The following NKAIN2 variants were observed in gnomAD, a reference collection of about 807,000 sequenced individuals.
The protein encoded by NKAIN2 is sodium/potassium-transporting ATPase subunit beta-1-interacting protein 2.
In NKAIN2, 14 loss-of-function variants were observed where a neutral mutation model predicts 32.6. The ratio of observed to expected loss-of-function variants is 0.43; its 90% CI spans 0.28 to 0.67. The LOEUF (loss-of-function observed/expected upper bound fraction) is 0.67, where lower values mean the gene tolerates loss of function less well. Among genes scored for constraint, NKAIN2 ranks in the 30% least tolerant of loss-of-function variants. NKAIN2 has a pLI of 0.17. For synonymous variants in NKAIN2, 80 were observed against 87.2 expected (o/e 0.92, Z 0.46); for missense variants, 198 against 258.3 (o/e 0.77, Z 1.60).
At chr6:124,757,829 A>G (rs571632646) in intron 4 of NKAIN2, among the ~76,000 whole-genome samples, 3 of 152,330 alleles carry the variant, frequency 2.0e-5, no homozygotes, top group African/African-American at 7.2e-5. Context: ...AGTCTTAAAC[A>G]GAATGGGCTC....
At chr6:123,984,367 G>T (rs540743739) in intron 1 of NKAIN2, among the ~76,000 whole-genome samples, 2 of 152,154 alleles carry the variant, frequency 1.3e-5, no homozygotes, top group South Asian at 4.2e-4. Context: ...TTTGAAAAAT[G>T]TGTGAAATGG....
intron 4 of NKAIN2, among the ~76,000 whole-genome samples, chr6:124,726,395 T>A (rs1776311017): frequency 6.6e-6 from 1 of 152,304 alleles, no homozygotes; most frequent in Admixed American, 6.5e-5. Context: ...AGTGGGTCCC[T>A]GACCCATGAC....
At chr6:124,760,143 C>T (rs1266233448) in intron 4 of NKAIN2, among the ~76,000 whole-genome samples, 3 of 151,872 alleles carry the variant, frequency 2.0e-5, no homozygotes, top group Non-Finnish European at 2.9e-5. Context: ...AGCAAACTAA[C>T]GCAGGAACAG....
At chr6:123,991,877 T>C (rs1170907808) in intron 1 of NKAIN2, among the ~76,000 whole-genome samples, 4 of 151,898 alleles carry the variant, frequency 2.6e-5, no homozygotes, top group African/African-American at 9.7e-5. Context: ...TGTGTGTGTG[T>C]GTATATATAT....
chr6:124,564,282 A>G (rs1277830736), intron 3 of NKAIN2, among the ~76,000 whole-genome samples: 1 of 152,190 alleles, frequency 6.6e-6, no homozygotes, highest in African/African-American at 2.4e-5. Context: ...GTGTCTAGCT[A>G]AAGGATTATA....
Position 124,531,851 on chromosome 6 carries a change from TG to T in NKAIN2, c.274-126334del. ...ATGCCCAGCTAATTTTTGTATTTTTTGTACAGACGGGGTTTCACCATGTTGG... is the reference window on the plus strand; with the variant it reads ...ATGCCCAGCTAATTTTTGTATTTTTTTACAGACGGGGTTTCACCATGTTGG... On this transcript the variant is annotated intron_variant, in intron 3 of 6. Transcript: ENST00000368417. Among the ~76,000 whole-genome samples the T allele has an allele frequency of 1.3e-5, 2 of 152,240 alleles. 1 individual carries two copies. The highest frequency in any genetic ancestry group is 3.9e-4 in the East Asian group (2 of 5,160).
chr6:123,914,036 A>G lies in NKAIN2; in HGVS notation c.54+109782A>G, dbSNP rs1249114230. Among the ~76,000 whole-genome samples, 3 of 152,148 alleles carry G rather than the reference A, an allele frequency of 2.0e-5. No individual in the cohort carries two copies. In the East Asian group the frequency reaches 5.8e-4, roughly 29 times the overall value. On this transcript the variant is annotated intron_variant, in intron 1 of 6. Coordinates refer to ENST00000368417, the MANE Select transcript of NKAIN2 (RefSeq NM_001040214.3). Reference sequence around the variant, plus strand: ...TCTGTATTAGTCAGCTTGGAATGTTATAATAAAATACCACAGACTGGCTGG... The same window carrying G: ...TCTGTATTAGTCAGCTTGGAATGTTGTAATAAAATACCACAGACTGGCTGG...
intron 5 of NKAIN2, among the ~76,000 whole-genome samples, chr6:124,799,474 C>T (rs930606041): frequency 1.1e-4 from 17 of 152,212 alleles, no homozygotes; most frequent in Admixed American, 2.0e-4. Context: ...CACATACACA[C>T]ACACACATAC....
At chr6:124,280,185 C>A (rs981609675) in intron 1 of NKAIN2, among the ~76,000 whole-genome samples, 1 of 151,862 alleles carries the variant, frequency 6.6e-6, no homozygotes, top group African/African-American at 2.4e-5. Flanking sequence ...TAAAGAGGTC[C>A]CCATGGGCAA....
intron 1 of NKAIN2, among the ~76,000 whole-genome samples, chr6:124,274,141 C>A (rs1467381309): frequency 6.6e-6 from 1 of 152,112 alleles, no homozygotes; most frequent in Non-Finnish European, 1.5e-5. Flanking sequence ...AGATAAATGT[C>A]ATTTTTGTGC....
At chr6:123,869,763 C>A (rs1163338577) in intron 1 of NKAIN2, among the ~76,000 whole-genome samples, 1 of 152,134 alleles carries the variant, frequency 6.6e-6, no homozygotes, top group Non-Finnish European at 1.5e-5. Context: ...CTTAGGACAA[C>A]AAGGCATTTA....
chr6:124,099,573 A>C (rs1240989812), intron 1 of NKAIN2, among the ~76,000 whole-genome samples: 1 of 152,232 alleles, frequency 6.6e-6, no homozygotes, highest in Non-Finnish European at 1.5e-5. Flanking sequence ...CTTGCTCAAT[A>C]AATGGCTGTA....
intron 3 of NKAIN2, among the ~76,000 whole-genome samples, chr6:124,518,595 A>G (rs2114790890): frequency 6.6e-6 from 1 of 152,180 alleles, no homozygotes; most frequent in East Asian, 1.9e-4. Flanking sequence ...TCACCATTGC[A>G]AAGATAGTAC....
chr6:124,639,594 A>T (rs1017118185), intron 3 of NKAIN2, among the ~76,000 whole-genome samples: 1 of 152,158 alleles, frequency 6.6e-6, no homozygotes, highest in African/African-American at 2.4e-5. Context: ...AGATCACGGC[A>T]CTGCATTCCA....
At chr6:124,472,930 G>C (rs1287912721) in intron 3 of NKAIN2, among the ~76,000 whole-genome samples, 1 of 151,992 alleles carries the variant, frequency 6.6e-6, no homozygotes, top group Non-Finnish European at 1.5e-5. Context: ...GGAGCTATGT[G>C]GTAAATTGGG....
intron 3 of NKAIN2, among the ~76,000 whole-genome samples, chr6:124,609,347 TTTTAC>T (rs1158151236): frequency 6.6e-6 from 1 of 152,040 alleles, no homozygotes; most frequent in African/African-American, 2.4e-5. Context: ...CTAAAGTCAG[TTTTAC>T]TTTATTTTTT....
chr6:124,607,428 T>C (rs191115278), intron 3 of NKAIN2, among the ~76,000 whole-genome samples: 10 of 152,194 alleles, frequency 6.6e-5, no homozygotes, highest in Non-Finnish European at 1.3e-4. Flanking sequence ...CAGCTAGGTG[T>C]CTGCCTTATT....
At chr6:124,292,673 C>G (rs942174302) in intron 2 of NKAIN2, among the ~76,000 whole-genome samples, 2 of 147,094 alleles carry the variant, frequency 1.4e-5, no homozygotes, top group Non-Finnish European at 1.5e-5. Flanking sequence ...TACATTGATA[C>G]TTATCAAAAG....
rs1784617151 is a variant in NKAIN2 at position 124,658,348 on chromosome 6, A to G, written c.436A>G (p.Ile146Val). The part of the protein sequence containing the change: ...VSGCLLEYQY[I>V]EVAHSSLQIV... ...AGGGTGTTTGCTGGAGTACCAGTACATAGAAGTGGCTCATAGTTCCCTCCA... is the reference window on the plus strand; with the variant it reads ...AGGGTGTTTGCTGGAGTACCAGTACGTAGAAGTGGCTCATAGTTCCCTCCA... Residue 146 changes from isoleucine (I) to valine (V), a missense_variant, in exon 4 of 7, where the codon ATA (isoleucine) becomes GTA (valine). By Grantham distance (29) the Ile-to-Val change is conservative. Transcript: ENST00000368417. The G allele has an allele frequency of 5.0e-6, 8 of 1,614,128 alleles. No homozygotes were observed. Among genetic ancestry groups the G allele is most frequent in the East Asian group, 2.2e-5 (1 of 44,858 alleles).
Sources: gnomAD v4.1 joint callset for allele counts (sites outside exome capture counted in the v4.1 genomes callset) on GRCh38, gnomAD v4.1.1 for gene constraint, MANE v1.5 for transcripts, NCBI Gene and HGNC (gene_info 2026-07-23, HGNC 2026-07-21) for gene names.